PTPRD: variants seen among roughly 807,000 people sequenced by gnomAD.
PTPRD encodes the protein receptor-type tyrosine-protein phosphatase delta.
In PTPRD, 34 loss-of-function variants were observed where a neutral mutation model predicts 214.5. The observed-to-expected ratio is 0.16, with a 90% CI of 0.12 to 0.21. The LOEUF (loss-of-function observed/expected upper bound fraction) is 0.21. Ranked by LOEUF, PTPRD falls within the 10% of genes least tolerant of loss-of-function variation. The probability of loss-of-function intolerance (pLI) is 1.00; values close to 1 mark genes in which losing one functional copy is unlikely to be tolerated. For synonymous variants in PTPRD, 1,128 were observed against 845.7 expected (o/e 1.33, Z -5.79); for missense variants, 2,545 against 2,398.7 (o/e 1.06, Z -1.27).
intron 36 of PTPRD, among the ~76,000 whole-genome samples, chr9:8,404,078 G>C (rs944155055): frequency 1.3e-5 from 2 of 152,152 alleles, no homozygotes; most frequent in East Asian, 1.9e-4. Context: ...TAATTTATTT[G>C]TGTGAGAAAG....
chr9:10,198,211 TAAG>T (rs921240503), intron 3 of PTPRD, among the ~76,000 whole-genome samples: 1 of 152,102 alleles, frequency 6.6e-6, no homozygotes, highest in Non-Finnish European at 1.5e-5. Context: ...ATTAAAGCTA[TAAG>T]AAGAACTAAC....
rs183692702 is a variant in PTPRD, at chr9:9,813,138, G to A, written c.-367-46287C>T. ...GACAACATGCAAAAATGTATAAGACGCAGTACAAGAAGTCCTAAGAGGGAA... is the reference window on the plus strand; with the variant it reads ...GACAACATGCAAAAATGTATAAGACACAGTACAAGAAGTCCTAAGAGGGAA... On this transcript the variant is annotated intron_variant, in intron 5 of 45. Transcript: ENST00000381196. 1.8e-4 allele frequency among the ~76,000 whole-genome samples: 27 copies of A among 152,098 alleles called. No individual in the cohort carries two copies. In the Middle Eastern group the frequency reaches 0.01, roughly 57 times the overall value.
chr9:9,074,998 T>C (rs946344197), intron 10 of PTPRD, among the ~76,000 whole-genome samples: 1 of 152,014 alleles, frequency 6.6e-6, no homozygotes, highest in Non-Finnish European at 1.5e-5. Flanking sequence ...ATTTTATTTG[T>C]TTAATGTTTA....
chr9:8,752,976 A>G (rs1254808521), intron 11 of PTPRD, among the ~76,000 whole-genome samples: 4 of 152,208 alleles, frequency 2.6e-5, no homozygotes, highest in Non-Finnish European at 2.9e-5. Flanking sequence ...ACAAAGATAA[A>G]TAAGTGTATG....
At position 8,835,891 on chromosome 9, in the gene PTPRD, T is replaced by G. The variant is rs976328935; in HGVS notation, c.-103-101945A>C. On this transcript the variant is annotated intron_variant, in intron 11 of 45. Transcript: ENST00000381196. Reference sequence around the variant, plus strand: ...TGGATTCATTTTACATATTATTATATATCTCTTTAACAACACTCTCCCATT... The same window carrying G: ...TGGATTCATTTTACATATTATTATAGATCTCTTTAACAACACTCTCCCATT... Among the ~76,000 whole-genome samples the G allele has an allele frequency of 2.0e-5, 3 of 152,122 alleles. No homozygotes were observed. In the East Asian group the frequency reaches 5.8e-4, roughly 29 times the overall value.
chr9:9,833,033 T>C (rs2055438086), intron 5 of PTPRD, among the ~76,000 whole-genome samples: 2 of 151,958 alleles, frequency 1.3e-5, no homozygotes, highest in African/African-American at 4.8e-5. Context: ...GCCAAAATGG[T>C]AGAAATTCAT....
At chr9:9,737,619 CTTAAT>C (rs954510359) in intron 6 of PTPRD, among the ~76,000 whole-genome samples, 3 of 152,028 alleles carry the variant, frequency 2.0e-5, no homozygotes, top group Admixed American at 2.0e-4. Flanking sequence ...TTGTGTCTGC[CTTAAT>C]TTAAAATATT....
intron 10 of PTPRD, among the ~76,000 whole-genome samples, chr9:9,140,739 C>T (rs1020123190): frequency 2.0e-5 from 3 of 152,108 alleles, no homozygotes; most frequent in East Asian, 1.9e-4. Flanking sequence ...CCACCACGCC[C>T]GGCTAATTTT....
intron 4 of PTPRD, among the ~76,000 whole-genome samples, chr9:9,967,996 A>G (rs572923396): frequency 6.6e-5 from 10 of 152,200 alleles, no homozygotes; most frequent in Non-Finnish European, 1.5e-4. Context: ...GCTTTTGTAT[A>G]AACTATTCAG....
chr9:9,786,050 T>C (rs977308040), intron 5 of PTPRD, among the ~76,000 whole-genome samples: 5 of 152,170 alleles, frequency 3.3e-5, no homozygotes, highest in African/African-American at 9.7e-5. Context: ...ATATATTACT[T>C]CTCCATATTT....
At chr9:10,493,836 A>G (rs555285981) in intron 2 of PTPRD, among the ~76,000 whole-genome samples, 12 of 152,052 alleles carry the variant, frequency 7.9e-5, no homozygotes, top group Non-Finnish European at 1.8e-4. Context: ...ACACACAAAT[A>G]CACCTTTTAC....
intron 5 of PTPRD, among the ~76,000 whole-genome samples, chr9:9,817,416 A>T (rs181663973): frequency 2.6e-5 from 4 of 152,278 alleles, no homozygotes; most frequent in Admixed American, 6.5e-5. Context: ...TAAGTTGGTT[A>T]TTTATAGATA....
intron 2 of PTPRD, among the ~76,000 whole-genome samples, chr9:10,574,869 T>G (rs957576578): frequency 6.7e-6 from 1 of 148,564 alleles, no homozygotes; most frequent in African/African-American, 2.5e-5. Flanking sequence ...TTAAAAATAA[T>G]TACCTAAAGA....
At chr9:10,598,453 T>C (rs1362409170) in intron 2 of PTPRD, among the ~76,000 whole-genome samples, 2 of 151,792 alleles carry the variant, frequency 1.3e-5, no homozygotes, top group African/African-American at 2.4e-5. Context: ...AAACCTTCTA[T>C]AAAATGTTAT....
intron 5 of PTPRD, among the ~76,000 whole-genome samples, chr9:9,837,668 GAGGGGAGTGGCTGTAATA>G (rs1204666880): frequency 2.0e-5 from 3 of 152,162 alleles, no homozygotes; most frequent in Non-Finnish European, 4.4e-5. Flanking sequence ...TCAGTGACAT[GAGGGGAGTGGCTGTAATA>G]ACAGTGGTAG....
intron 6 of PTPRD, among the ~76,000 whole-genome samples, chr9:9,757,767 T>C (rs1179718750): frequency 6.6e-6 from 1 of 152,144 alleles, no homozygotes; most frequent in East Asian, 1.9e-4. Flanking sequence ...AAAATCTTCA[T>C]CATGAATTCA....
At chr9:9,186,947 G>A (rs1175747123) in intron 9 of PTPRD, among the ~76,000 whole-genome samples, 1 of 151,250 alleles carries the variant, frequency 6.6e-6, no homozygotes, top group East Asian at 1.9e-4. Flanking sequence ...TATCCCTTCT[G>A]TTATAAACTG....
chr9:9,728,092 T>C (rs1451982819), intron 7 of PTPRD, among the ~76,000 whole-genome samples: 1 of 152,118 alleles, frequency 6.6e-6, no homozygotes, highest in Non-Finnish European at 1.5e-5. Flanking sequence ...GGGTTTCCTC[T>C]TTTTGCTTGG....
intron 4 of PTPRD, among the ~76,000 whole-genome samples, chr9:9,968,360 G>C (rs2094851094): frequency 6.6e-6 from 1 of 152,072 alleles, no homozygotes; most frequent in Admixed American, 6.6e-5. Flanking sequence ...GTCTTATTAA[G>C]AAACATATTT....
Sources: gnomAD v4.1 joint callset for allele counts (sites outside exome capture counted in the v4.1 genomes callset) on GRCh38, gnomAD v4.1.1 for gene constraint, MANE v1.5 for transcripts, NCBI Gene and HGNC (gene_info 2026-07-23, HGNC 2026-07-21) for gene names.